MYO9A: variants seen among roughly 807,000 people sequenced by gnomAD.
The protein encoded by MYO9A is unconventional myosin-IXa.
A neutral mutation model predicts 293.3 loss-of-function variants in MYO9A; 103 were observed. That is an observed-to-expected ratio of 0.35 (90% CI 0.30 to 0.41). MYO9A has a LOEUF of 0.41. Among genes scored for constraint, MYO9A ranks in the 10% least tolerant of loss-of-function variants. MYO9A has a pLI of 1.00. For missense variants in MYO9A, 2,685 were observed against 3,033.0 expected (o/e 0.89, Z 2.69); for synonymous variants, 1,001 against 1,035.7 (o/e 0.97, Z 0.64).
intron 10 of MYO9A, among the ~76,000 whole-genome samples, chr15:71,993,384 TAAAAAG>T (rs1168683100): frequency 6.6e-6 from 1 of 150,882 alleles, no homozygotes; most frequent in Non-Finnish European, 1.5e-5. Context: ...AAAATAAAAA[TAAAAAG>T]GAGTATCAAA....
intron 1 of MYO9A, among the ~76,000 whole-genome samples, chr15:72,056,099 G>A (rs901921787): frequency 2.6e-5 from 4 of 152,058 alleles, no homozygotes; most frequent in African/African-American, 4.8e-5. Flanking sequence ...ATGGTGGCAC[G>A]GGCCTGTAGC....
chr15:71,951,523 C>T (rs549317927), intron 15 of MYO9A, among the ~76,000 whole-genome samples: 1 of 151,828 alleles, frequency 6.6e-6, no homozygotes, highest in Non-Finnish European at 1.5e-5. Flanking sequence ...AGAAACCAAT[C>T]CAGTGACTGT....
intron 34 of MYO9A, among the ~76,000 whole-genome samples, chr15:71,855,924 G>A (rs1461740467): frequency 1.3e-5 from 2 of 152,136 alleles, no homozygotes; most frequent in African/African-American, 4.8e-5. Flanking sequence ...TACTTGAACT[G>A]ATTCTAATTT....
intron 39 of MYO9A, among the ~76,000 whole-genome samples, chr15:71,832,388 G>T (rs2054764599): frequency 6.6e-6 from 1 of 151,930 alleles, no homozygotes; most frequent in Admixed American, 6.6e-5. Flanking sequence ...GAAATAAAAA[G>T]AAGTCTATAC....
intron 2 of MYO9A, among the ~76,000 whole-genome samples, chr15:72,044,482 T>C (rs1012757018): frequency 6.6e-6 from 1 of 152,176 alleles, no homozygotes; most frequent in African/African-American, 2.4e-5. Flanking sequence ...AATAGATCCC[T>C]TGACCTTATT....
intron 39 of MYO9A, among the ~76,000 whole-genome samples, chr15:71,837,328 A>G (rs1372013016): frequency 2.6e-5 from 4 of 152,222 alleles, no homozygotes; most frequent in Admixed American, 6.5e-5. Context: ...TCAACAAGGA[A>G]AAAACATGTT....
At chr15:72,101,366 C>T (rs1197344590) in intron 1 of MYO9A, among the ~76,000 whole-genome samples, 5 of 145,522 alleles carry the variant, frequency 3.4e-5, no homozygotes, top group African/African-American at 7.6e-5. Context: ...CCCGGCCAGC[C>T]GCCCCATCTG....
intron 1 of MYO9A, among the ~76,000 whole-genome samples, chr15:72,051,056 T>C (rs2078545731): frequency 6.6e-6 from 1 of 152,186 alleles, no homozygotes; most frequent in Non-Finnish European, 1.5e-5. Flanking sequence ...TGTTTTGTTT[T>C]GTTTTTGTAT....
chr15:71,971,064 G>A (rs1297395750), intron 12 of MYO9A, among the ~76,000 whole-genome samples: 1 of 151,944 alleles, frequency 6.6e-6, no homozygotes, highest in Non-Finnish European at 1.5e-5. Flanking sequence ...GGGAGGCTGA[G>A]GCAGCAGAAT....
In MYO9A at chr15:71,827,906, T is replaced by C; in HGVS notation, c.7161A>G (p.Glu2387=). ...TACCTGATTTCTCAGAGATAGCATA[T>C]TCAGACTCCATATTCAAATTCTCTG... is the stretch of plus-strand genomic sequence containing the variant. ...DSSENLNMES[E]YAISEKSERS... The change falls in exon 41 of 42, where the codon GAA becomes GAG. Residue 2387 remains glutamate (E), a synonymous_variant. Transcript: ENST00000356056. 6.2e-7 allele frequency: 1 copy of C among 1,613,668 alleles called. No homozygotes were observed. Among genetic ancestry groups the C allele is most frequent in the Non-Finnish European group, 8.5e-7 (1 of 1,179,726 alleles).
intron 18 of MYO9A, among the ~76,000 whole-genome samples, chr15:71,930,073 C>A (rs2058432929): frequency 2.6e-5 from 4 of 152,132 alleles, no homozygotes; most frequent in Non-Finnish European, 1.5e-5. Flanking sequence ...CTGGGCTAAT[C>A]TTTTATGAAA....
intron 15 of MYO9A, among the ~76,000 whole-genome samples, chr15:71,944,889 G>T (rs1208804043): frequency 6.6e-6 from 1 of 152,028 alleles, no homozygotes; most frequent in African/African-American, 2.4e-5. Flanking sequence ...TATACTTATT[G>T]GGTTGAATTC....
At chr15:71,864,077 A>C (rs1037018960) in intron 32 of MYO9A, among the ~76,000 whole-genome samples, 1 of 152,198 alleles carries the variant, frequency 6.6e-6, no homozygotes, top group East Asian at 1.9e-4. Flanking sequence ...ATATCTGATA[A>C]ATGACTTCTA....
chr15:71,878,738 G>A (rs1396715978), intron 30 of MYO9A, among the ~76,000 whole-genome samples: 2 of 128,828 alleles, frequency 1.6e-5, no homozygotes, highest in East Asian at 4.8e-4. Context: ...ATGAGATCTG[G>A]AATTTTTTTT....
At chr15:71,855,859 A>G (rs995607962) in intron 34 of MYO9A, among the ~76,000 whole-genome samples, 1 of 152,174 alleles carries the variant, frequency 6.6e-6, no homozygotes, top group Non-Finnish European at 1.5e-5. Flanking sequence ...TTAGCGGCTA[A>G]TTAGTATATA....
intron 13 of MYO9A, among the ~76,000 whole-genome samples, chr15:71,965,696 A>G (rs553907903): frequency 6.6e-6 from 1 of 152,296 alleles, no homozygotes; most frequent in East Asian, 1.9e-4. Flanking sequence ...TCGAGATCAC[A>G]CCACTTCACT....
chr15:71,897,710 T>C lies in MYO9A; in HGVS notation c.4793A>G (p.Asp1598Gly), dbSNP rs1372670035. The change falls in exon 25 of 42, where the codon GAC (aspartate) becomes GGC (glycine). Residue 1598 changes from aspartate (D) to glycine (G), a missense_variant. Coordinates refer to ENST00000356056, the MANE Select transcript of MYO9A (RefSeq NM_006901.4). ...TTCAAAGAACACGGTGACAGGTCGGTCCTTTGGGGGTAAGTGAGCAGAGGA... is the reference window on the plus strand; with the variant it reads ...TTCAAAGAACACGGTGACAGGTCGGCCCTTTGGGGGTAAGTGAGCAGAGGA... ...DSSSAHLPPKDRPVTVFFERK... is the reference protein window; with the variant it reads ...DSSSAHLPPKGRPVTVFFERK... 1.2e-6 allele frequency: 2 copies of C among 1,614,050 alleles called. No homozygotes were observed. Among genetic ancestry groups the C allele is most frequent in the Non-Finnish European group, 1.7e-6 (2 of 1,180,042 alleles).
At chr15:71,862,152 C>T (rs764294921) in intron 33 of MYO9A, among the ~76,000 whole-genome samples, 115 of 151,742 alleles carry the variant, frequency 7.6e-4, no homozygotes, top group Non-Finnish European at 9.7e-4. Flanking sequence ...AAAAGAATAG[C>T]GAATTTGGGG....
intron 1 of MYO9A, among the ~76,000 whole-genome samples, chr15:72,078,738 T>C (rs1461681597): frequency 6.6e-6 from 1 of 152,176 alleles, no homozygotes; most frequent in Non-Finnish European, 1.5e-5. Context: ...CACCAAGATG[T>C]CCTTCAAAAG....
Sources: gnomAD v4.1 joint callset for allele counts (sites outside exome capture counted in the v4.1 genomes callset) on GRCh38, gnomAD v4.1.1 for gene constraint, MANE v1.5 for transcripts, NCBI Gene and HGNC (gene_info 2026-07-23, HGNC 2026-07-21) for gene names.